The following SEMA5A variants were observed in gnomAD, a reference collection of about 807,000 sequenced individuals.
The protein encoded by SEMA5A is semaphorin 5A.
A neutral mutation model predicts 135.5 loss-of-function variants in SEMA5A; 55 were observed. That is an observed-to-expected ratio of 0.41 (90% CI 0.33 to 0.51). The LOEUF is 0.51. SEMA5A is among the 20% of genes least tolerant of loss of function. The pLI is 0.37. For missense variants in SEMA5A, 1,290 were observed against 1,419.9 expected (o/e 0.91, Z 1.47); for synonymous variants, 580 against 546.5 (o/e 1.06, Z -0.85).
rs145598030 is a variant in SEMA5A at position 9,078,586 on chromosome 5, T to TAC, written c.2074-11942_2074-11941dup. On this transcript the variant is annotated intron_variant, in intron 16 of 22. Coordinates refer to ENST00000382496, the MANE Select transcript of SEMA5A (RefSeq NM_003966.3). Reference sequence around the variant, plus strand: ...GACCAGAAAATTTCAGCTGGGTATGTACACACACACACACACACACACACA... The same window carrying TAC: ...GACCAGAAAATTTCAGCTGGGTATGTACACACACACACACACACACACACACA... Among the ~76,000 whole-genome samples the TAC allele has an allele frequency of 6.9e-3, 1,017 of 146,518 alleles. 9 individuals carry two copies. Among genetic ancestry groups the TAC allele is most frequent in the East Asian group, 0.036 (181 of 5,026 alleles).
Position 9,066,663 on chromosome 5 carries a change from G to A in SEMA5A, c.2074-17C>T. The A allele has an allele frequency of 6.2e-7, 1 of 1,610,692 alleles. No individual in the cohort carries two copies. The highest frequency in any genetic ancestry group is 8.5e-7 in the Non-Finnish European group (1 of 1,177,672). ...CTGGTACTCCTGGGGAGAATGCGCA[G>A]ACGAGTGTTACTATACGGGGTAAAC... On this transcript the variant is annotated splice_polypyrimidine_tract_variant and intron_variant, in intron 16 of 22. Transcript: ENST00000382496.
intron 1 of SEMA5A, among the ~76,000 whole-genome samples, chr5:9,463,324 T>G (rs754507555): frequency 6.6e-6 from 1 of 150,920 alleles, no homozygotes; most frequent in Non-Finnish European, 1.5e-5. Flanking sequence ...CCTTTAGATC[T>G]AGAAAAAACA....
intron 15 of SEMA5A, among the ~76,000 whole-genome samples, chr5:9,110,820 T>C (rs1740198387): frequency 6.6e-6 from 1 of 152,150 alleles, no homozygotes; most frequent in African/African-American, 2.4e-5. Flanking sequence ...TTTTCCTCTT[T>C]AGGTGGTAAC....
intron 1 of SEMA5A, among the ~76,000 whole-genome samples, chr5:9,479,763 C>T (rs150047065): frequency 1.3e-3 from 191 of 152,250 alleles, no homozygotes; most frequent in African/African-American, 4.0e-3. Context: ...ACAACCTGTT[C>T]GCTGGAGAGG....
intron 3 of SEMA5A, among the ~76,000 whole-genome samples, chr5:9,344,641 T>C (rs762422216): frequency 2.0e-5 from 3 of 152,158 alleles, no homozygotes; most frequent in South Asian, 4.1e-4. Flanking sequence ...AAGATCTCAA[T>C]ATTGGAGAAT....
chr5:9,193,546 G>T, intron 10 of SEMA5A, among the ~76,000 whole-genome samples: 1 of 152,128 alleles, frequency 6.6e-6, no homozygotes, highest in East Asian at 1.9e-4. Flanking sequence ...CTAACCTCCT[G>T]CAGGAGTGCC....
intron 13 of SEMA5A, among the ~76,000 whole-genome samples, chr5:9,127,565 C>A (rs543266545): frequency 5.9e-5 from 9 of 152,206 alleles, no homozygotes; most frequent in Non-Finnish European, 1.0e-4. Flanking sequence ...TACCGACAAA[C>A]TGACTTTGTC....
chr5:9,282,433 A>G (rs1750590468), intron 5 of SEMA5A, among the ~76,000 whole-genome samples: 1 of 152,168 alleles, frequency 6.6e-6, no homozygotes, highest in Non-Finnish European at 1.5e-5. Flanking sequence ...TGGGATTTCT[A>G]AAGGCAGAAT....
intron 11 of SEMA5A, among the ~76,000 whole-genome samples, chr5:9,161,289 C>CA (rs1228865757): frequency 8.6e-5 from 13 of 151,984 alleles, no homozygotes; most frequent in African/African-American, 3.1e-4. Flanking sequence ...AGGATCCCCA[C>CA]AAAAACCCTC....
At position 9,196,685 on chromosome 5, in the gene SEMA5A, C is replaced by T. The variant is rs376521576; in HGVS notation, c.1068+483G>A. Among the ~76,000 whole-genome samples, 6 of 152,304 alleles carry T rather than the reference C, an allele frequency of 3.9e-5. No individual in the cohort carries two copies. In the East Asian group the frequency reaches 7.7e-4, roughly 20 times the overall value. Reference sequence around the variant, plus strand: ...TTTTGTGATAACAGATGAAGGGCCTCCACCTCCTCTTCTTTCCTCAGCTGC... The same window carrying T: ...TTTTGTGATAACAGATGAAGGGCCTTCACCTCCTCTTCTTTCCTCAGCTGC... On this transcript the variant is annotated intron_variant, in intron 10 of 22. Transcript: ENST00000382496.
intron 2 of SEMA5A, among the ~76,000 whole-genome samples, chr5:9,427,825 C>T (rs967836159): frequency 3.3e-5 from 5 of 152,130 alleles, no homozygotes; most frequent in Non-Finnish European, 7.3e-5. Flanking sequence ...TAATTTGCCA[C>T]AAATTCATAA....
At chr5:9,103,812 T>G (rs1032719559) in intron 16 of SEMA5A, among the ~76,000 whole-genome samples, 2 of 152,190 alleles carry the variant, frequency 1.3e-5, no homozygotes, top group African/African-American at 4.8e-5. Flanking sequence ...CTTTCTTCCT[T>G]TCATGTGTTG....
intron 1 of SEMA5A, among the ~76,000 whole-genome samples, chr5:9,537,968 A>G (rs556374566): frequency 7.2e-4 from 110 of 152,286 alleles, no homozygotes; most frequent in African/African-American, 2.5e-3. Context: ...ATGGAAAGCC[A>G]CTATGTGGAA....
intron 16 of SEMA5A, 77 bp downstream of exon 16, chr5:9,108,063 G>A: frequency 6.6e-7 from 1 of 1,516,708 alleles, no homozygotes. Context: ...TCTAGTGTGT[G>A]CAGAGAATTT....
intron 1 of SEMA5A, among the ~76,000 whole-genome samples, chr5:9,515,445 T>G (rs1446892180): frequency 6.6e-6 from 1 of 152,170 alleles, no homozygotes. Flanking sequence ...CGTTAAGAAA[T>G]TTTCATTGAG....
At chr5:9,207,102 G>GTATGTATATATATATATA in intron 8 of SEMA5A, among the ~76,000 whole-genome samples, 1 of 97,698 alleles carries the variant, frequency 1.0e-5, no homozygotes, top group Non-Finnish European at 2.0e-5. Context: ...ATGATCAAGT[G>GTATGTATATATATATATA]TATATATATA....
intron 3 of SEMA5A, among the ~76,000 whole-genome samples, chr5:9,342,220 A>G (rs1285927145): frequency 6.6e-6 from 1 of 152,216 alleles, no homozygotes; most frequent in Non-Finnish European, 1.5e-5. Context: ...CAAAACAACA[A>G]CAGCAACAAA....
At chr5:9,116,834 T>C (rs1240040121) in intron 15 of SEMA5A, among the ~76,000 whole-genome samples, 1 of 152,230 alleles carries the variant, frequency 6.6e-6, no homozygotes, top group South Asian at 2.1e-4. Flanking sequence ...AATGCTTTTA[T>C]ATTTCTTAGG....
chr5:9,142,300 C>T lies in SEMA5A; in HGVS notation c.1482-5679G>A, dbSNP rs182989058. The stretch of plus-strand genomic sequence containing the variant: ...TGATAGGCGCCAGCAAGAACAGAAC[C>T]TTTTTGCAGAGAGATCAGCTTGGGA... On this transcript the variant is annotated intron_variant, in intron 12 of 22. Transcript: ENST00000382496. 2.9e-4 allele frequency among the ~76,000 whole-genome samples: 44 copies of T among 152,178 alleles called. No individual in the cohort carries two copies. In the East Asian group the frequency reaches 5.2e-3, roughly 18 times the overall value.
Sources: gnomAD v4.1 joint callset for allele counts (sites outside exome capture counted in the v4.1 genomes callset) on GRCh38, gnomAD v4.1.1 for gene constraint, MANE v1.5 for transcripts, NCBI Gene and HGNC (gene_info 2026-07-23, HGNC 2026-07-21) for gene names.